Variants in RP2 observed in about 807,000 individuals in gnomAD.
RP2 encodes the protein RP2 activator of ARL3 GTPase, also known as protein XRP2.
Under a neutral mutation model 20.3 loss-of-function variants are expected in RP2, and 3 were observed. That is an observed-to-expected ratio of 0.15 (90% CI 0.07 to 0.38). RP2 has a LOEUF of 0.38. Ranked by LOEUF, RP2 falls within the 10% of genes least tolerant of loss-of-function variation. RP2 has a pLI of 1.00. For synonymous variants in RP2, 75 were observed against 94.8 expected, an observed-to-expected ratio of 0.79 and a Z score of 1.22; for missense variants, 233 against 268.5, an observed-to-expected ratio of 0.87 and a Z score of 0.92.
chrX:46,851,141 A>C (rs1316067673), intron 1 of RP2, among the ~76,000 whole-genome samples: 1 of 111,849 alleles, frequency 8.9e-6, no homozygotes, highest in African/African-American at 3.2e-5. Flanking sequence ...TTGTAAATCA[A>C]ATTTTTACAT....
Position 46,875,215 on chromosome X carries a change from T to G in RP2, c.884-2290T>G, listed in dbSNP as rs956674630. Among the ~76,000 whole-genome samples, 4 of 109,891 alleles carry G rather than the reference T, an allele frequency of 3.6e-5. No homozygotes were observed. In the East Asian group the frequency reaches 1.1e-3, roughly 31 times the overall value. ...GTTTCCTGCAGTCTTCTCTGTGGGA[T>G]GCTAAAACCATTGATGATTGTTGCC... On this transcript the variant is annotated intron_variant, in intron 3 of 4. Transcript: ENST00000218340.
chrX:46,877,703 G>GGTGTGTGTGTGTGTGT (rs397959535), intron 4 of RP2, 113 bp downstream of exon 4: 2 of 377,301 alleles, frequency 5.3e-6, no homozygotes, highest in East Asian at 4.3e-5. Context: ...GAATTTTTGG[G>GGTGTGTGTGTGTGTGT]GTGTGTGTGT....
intron 3 of RP2, among the ~76,000 whole-genome samples, chrX:46,872,950 G>A (rs1273599234): frequency 2.7e-5 from 3 of 111,027 alleles, no homozygotes; most frequent in Non-Finnish European, 5.7e-5. Flanking sequence ...TGTTGCCTAG[G>A]CTGGTCTTGA....
chrX:46,882,211 G>T lies in RP2; in HGVS notation c.*2442G>T. On this transcript the variant is annotated 3_prime_UTR_variant, in exon 5 of 5. Coordinates refer to ENST00000218340, the MANE Select transcript of RP2 (RefSeq NM_006915.3). ...AATTGGTAATTTTATTAAGTTATAT[G>T]TGTTTAAATATTATATTAGCTTATT... 8.9e-6 allele frequency: 1 copy of T among 112,280 alleles called. No homozygotes were observed. The highest frequency in any genetic ancestry group is 2.8e-4 in the East Asian group (1 of 3,609). 9.3% of individuals were successfully genotyped at this position (112,280 alleles called of 1,213,427 possible).
chrX:46,840,776 C>G (rs1383144818), intron 1 of RP2, among the ~76,000 whole-genome samples: 2 of 112,082 alleles, frequency 1.8e-5, no homozygotes, highest in Admixed American at 1.9e-4. Context: ...AGTATTCATG[C>G]CCATACTTTT....
intron 1 of RP2, among the ~76,000 whole-genome samples, chrX:46,838,243 G>C (rs1388859625): frequency 8.9e-6 from 1 of 112,228 alleles, no homozygotes; most frequent in Non-Finnish European, 1.9e-5. Flanking sequence ...GGTAAGCTCT[G>C]GTCTCTAAGA....
At chrX:46,862,427 A>C (rs781803191) in intron 3 of RP2, among the ~76,000 whole-genome samples, 216 of 106,354 alleles carry the variant, frequency 2.0e-3, no homozygotes, top group African/African-American at 7.2e-3. Context: ...TTGGGAGGCC[A>C]AGGCGGGCAG....
At chrX:46,873,777 C>G in intron 3 of RP2, among the ~76,000 whole-genome samples, 1 of 110,727 alleles carries the variant, frequency 9.0e-6, no homozygotes, top group Non-Finnish European at 1.9e-5. Context: ...AGACTCTTCC[C>G]ATGATTTTTA....
intron 2 of RP2, among the ~76,000 whole-genome samples, chrX:46,855,126 A>G (rs782454937): frequency 9.0e-6 from 1 of 111,189 alleles, no homozygotes; most frequent in African/African-American, 3.3e-5. Flanking sequence ...CAACCTCCAC[A>G]TTACGTTCCT....
intron 3 of RP2, among the ~76,000 whole-genome samples, chrX:46,874,763 A>G (rs1433875868): frequency 7.2e-5 from 8 of 111,320 alleles, no homozygotes; most frequent in Non-Finnish European, 1.3e-4. Flanking sequence ...TACTAAAATA[A>G]TTCTTTGTGT....
chrX:46,848,384 A>AT (rs1324909281), intron 1 of RP2, among the ~76,000 whole-genome samples: 2,353 of 92,693 alleles, frequency 0.025, 49 homozygotes, highest in African/African-American at 0.07. Context: ...TTTTTCTTTG[A>AT]TTTTTTTTTT....
At position 46,860,109 on chromosome X, in the gene RP2, T is replaced by C. The variant is rs781783245; in HGVS notation, c.883+7T>C. ...CTTCCTCTTCTGAACAAAGGTACCTTCTGGATGATTGGTATACTTTTGTGG... is the reference window on the plus strand; with the variant it reads ...CTTCCTCTTCTGAACAAAGGTACCTCCTGGATGATTGGTATACTTTTGTGG... On this transcript the variant is annotated splice_region_variant and intron_variant, in intron 3 of 4. Coordinates refer to ENST00000218340, the MANE Select transcript of RP2 (RefSeq NM_006915.3). The C allele has an allele frequency of 9.1e-7, 1 of 1,104,670 alleles. No homozygotes were observed. Among genetic ancestry groups the C allele is most frequent in the East Asian group, 3.0e-5 (1 of 33,453 alleles). 91.0% of individuals were successfully genotyped at this position (1,104,670 alleles called of 1,213,427 possible). A position where few individuals can be genotyped will look rare whatever the true frequency, so the allele number is the denominator to read the frequency against.
intron 1 of RP2, among the ~76,000 whole-genome samples, chrX:46,847,041 A>T (rs1924727329): frequency 8.9e-6 from 1 of 112,198 alleles, no homozygotes; most frequent in African/African-American, 3.2e-5. Flanking sequence ...GCTTTAAAAA[A>T]AAATGTTTAG....
chrX:46,848,454 G>A (rs782501631), intron 1 of RP2, among the ~76,000 whole-genome samples: 57 of 102,731 alleles, frequency 5.5e-4, no homozygotes, highest in African/African-American at 1.6e-3. Context: ...GTGCGATCTC[G>A]GCTCACTGCA....
intron 1 of RP2, among the ~76,000 whole-genome samples, chrX:46,847,775 TGTAC>T (rs1352752816): frequency 8.7e-4 from 70 of 80,819 alleles, no homozygotes; most frequent in African/African-American, 3.8e-3. Context: ...CATGTGTGTG[TGTAC>T]ATACACACAT....
chrX:46,851,471 T>C (rs1479315952), intron 1 of RP2, among the ~76,000 whole-genome samples: 4 of 108,642 alleles, frequency 3.7e-5, no homozygotes, highest in African/African-American at 1.0e-4. Flanking sequence ...ACCCCATCTC[T>C]ACTAAAAATA....
intron 1 of RP2, among the ~76,000 whole-genome samples, chrX:46,850,928 G>C (rs1556317996): frequency 1.8e-5 from 2 of 111,586 alleles, no homozygotes; most frequent in African/African-American, 6.5e-5. Context: ...CATCCAGAAA[G>C]TTAAGGGGAT....
At chrX:46,852,271 G>GAAGA (rs1389467645) in intron 1 of RP2, among the ~76,000 whole-genome samples, 1 of 110,990 alleles carries the variant, frequency 9.0e-6, no homozygotes. Flanking sequence ...AGGGAGGGAG[G>GAAGA]AAGGAAGGAA....
chrX:46,858,249 A>G (rs972644998), intron 2 of RP2, among the ~76,000 whole-genome samples: 1 of 111,607 alleles, frequency 9.0e-6, no homozygotes, highest in Non-Finnish European at 1.9e-5. Context: ...TTGTAGTTCT[A>G]TGGATTTAAC....
Sources: gnomAD v4.1 joint callset for allele counts (sites outside exome capture counted in the v4.1 genomes callset) on GRCh38, gnomAD v4.1.1 for gene constraint, MANE v1.5 for transcripts, NCBI Gene and HGNC (gene_info 2026-07-23, HGNC 2026-07-21) for gene names.